EMC2: variants seen among roughly 807,000 people sequenced by gnomAD.
The protein encoded by EMC2 is TPR repeat protein 35.
EMC2 carries 37 observed loss-of-function variants against 51.6 expected under a neutral mutation model. That is an observed-to-expected ratio of 0.72 (90% CI 0.55 to 0.94). The LOEUF (loss-of-function observed/expected upper bound fraction) is 0.94. Ranked by LOEUF, EMC2 falls within the 40% of genes least tolerant of loss-of-function variation. The pLI is 0.00. For missense variants in EMC2, 359 were observed against 350.9 expected (o/e 1.02, Z -0.18); for synonymous variants, 131 against 112.4 (o/e 1.17, Z -1.04).
In EMC2 at chr8:108,486,478, C is replaced by T. The variant is rs947561486; in HGVS notation, c.808-34C>T. The T allele has an allele frequency of 2.7e-6, 4 of 1,482,226 alleles. No homozygotes were observed. The African/African-American group carries it at 6.3e-5, about 23-fold the overall frequency. 91.8% of individuals were successfully genotyped at this position (1,482,226 alleles called of 1,614,324 possible). A position where few individuals can be genotyped will look rare whatever the true frequency, so the allele number is the denominator to read the frequency against. On this transcript the variant is annotated intron_variant, in intron 10 of 10. Coordinates refer to ENST00000220853, the MANE Select transcript of EMC2 (RefSeq NM_014673.5). ...TTTTTAACCTGCCACTGAAATTGAG[C>T]CTAATTGAGCTTTTTTTTTTTTTTT...
At position 108,475,981 on chromosome 8, in the gene EMC2, A is replaced by C. The variant is rs757798325; in HGVS notation, c.591+18A>C. 20 of 1,362,724 alleles carry C rather than the reference A, an allele frequency of 1.5e-5. No individual in the cohort carries two copies. In the Admixed American group the frequency reaches 4.3e-4, roughly 29 times the overall value. 84.4% of individuals were successfully genotyped at this position (1,362,724 alleles called of 1,614,324 possible). Reference sequence around the variant, plus strand: ...ATGCTGAAGTAAGTGTTTTCAGAACAATGGCATATAATTTTATTTTGGTTA... The same window carrying C: ...ATGCTGAAGTAAGTGTTTTCAGAACCATGGCATATAATTTTATTTTGGTTA... On this transcript the variant is annotated intron_variant, in intron 8 of 10. Coordinates refer to ENST00000220853, the MANE Select transcript of EMC2 (RefSeq NM_014673.5).
intron 10 of EMC2, among the ~76,000 whole-genome samples, chr8:108,484,671 C>T (rs1811103355): frequency 6.6e-6 from 1 of 151,804 alleles, no homozygotes; most frequent in African/African-American, 2.4e-5. Context: ...TGTACCCCTC[C>T]CCCAACCCAT....
chr8:108,463,197 A>G (rs977130016), intron 5 of EMC2, among the ~76,000 whole-genome samples: 1 of 152,196 alleles, frequency 6.6e-6, no homozygotes, highest in Non-Finnish European at 1.5e-5. Flanking sequence ...GATTAGGTAA[A>G]TATCATCAGT....
chr8:108,473,499 G>T (rs1313023256), intron 7 of EMC2, among the ~76,000 whole-genome samples: 1 of 151,904 alleles, frequency 6.6e-6, no homozygotes, highest in Non-Finnish European at 1.5e-5. Flanking sequence ...TTTGGTTAAG[G>T]GATACCCAAC....
At chr8:108,471,207 C>CA (rs1810849040) in intron 7 of EMC2, among the ~76,000 whole-genome samples, 1 of 151,792 alleles carries the variant, frequency 6.6e-6, no homozygotes, top group Non-Finnish European at 1.5e-5. Flanking sequence ...TAAACATACT[C>CA]ATGATTTCTT....
intron 4 of EMC2, among the ~76,000 whole-genome samples, chr8:108,454,340 G>A (rs1034546267): frequency 1.3e-5 from 2 of 151,694 alleles, no homozygotes; most frequent in Non-Finnish European, 2.9e-5. Flanking sequence ...ATAGAATTTC[G>A]TATTTTCTCT....
intron 5 of EMC2, among the ~76,000 whole-genome samples, chr8:108,467,813 C>T (rs770726166): frequency 6.6e-6 from 1 of 152,218 alleles, no homozygotes; most frequent in Non-Finnish European, 1.5e-5. Flanking sequence ...TAAAGCAAGT[C>T]TGTGCCAGTC....
At position 108,486,945 on chromosome 8, in the gene EMC2, A is replaced by T. The variant is rs368543658; in HGVS notation, c.*347A>T. On this transcript the variant is annotated 3_prime_UTR_variant, in exon 11 of 11. Coordinates refer to ENST00000220853, the MANE Select transcript of EMC2 (RefSeq NM_014673.5). The stretch of plus-strand genomic sequence containing the variant: ...ATGAAGATTCTAACTTCATTTTGTT[A>T]TACTCACAGTGGATATATTGTTTAA... The T allele has an allele frequency of 5.4e-5, 9 of 166,268 alleles. No homozygotes were observed. The highest frequency in any genetic ancestry group is 1.3e-5 in the Non-Finnish European group (1 of 78,116). 10.3% of individuals were successfully genotyped at this position (166,268 alleles called of 1,614,324 possible). A position where few individuals can be genotyped will look rare whatever the true frequency, so the allele number is the denominator to read the frequency against.
chr8:108,482,455 T>G (rs1473164378), intron 10 of EMC2, among the ~76,000 whole-genome samples: 1 of 152,338 alleles, frequency 6.6e-6, no homozygotes, highest in Admixed American at 6.5e-5. Flanking sequence ...TTGTGTTTTT[T>G]GTGTTCTGTT....
intron 5 of EMC2, among the ~76,000 whole-genome samples, chr8:108,469,360 A>G (rs931422029): frequency 6.6e-5 from 10 of 152,264 alleles, no homozygotes; most frequent in Non-Finnish European, 1.3e-4. Flanking sequence ...TGAAAGACTC[A>G]TAGGTAGATT....
chr8:108,449,090 A>G (rs1299248958), intron 1 of EMC2, among the ~76,000 whole-genome samples: 1 of 152,082 alleles, frequency 6.6e-6, no homozygotes, highest in Non-Finnish European at 1.5e-5. Context: ...AGGATAACTT[A>G]CTTTGTTATA....
Position 108,450,520 on chromosome 8 carries a change from A to T in EMC2, c.219+28A>T, listed in dbSNP as rs761517860. ...AGGTATTTAAATGAAGTATATATTT[A>T]ATTTGCTTCATCAATTGTATACCGT... is the stretch of plus-strand genomic sequence containing the variant. On this transcript the variant is annotated intron_variant, in intron 3 of 10. Coordinates refer to ENST00000220853, the MANE Select transcript of EMC2 (RefSeq NM_014673.5). 6 of 1,293,576 alleles carry T rather than the reference A, an allele frequency of 4.6e-6. No individual in the cohort carries two copies. The South Asian group carries it at 5.9e-5, about 13-fold the overall frequency. The allele number at this position is 1,293,576 out of a possible 1,614,324, so 80.1% of individuals were successfully genotyped here.
chr8:108,473,202 A>G (rs1810887463), intron 7 of EMC2, among the ~76,000 whole-genome samples: 1 of 152,018 alleles, frequency 6.6e-6, no homozygotes, highest in South Asian at 2.1e-4. Context: ...TGTTACATCC[A>G]TTGACCATAT....
chr8:108,481,903 T>C (rs1811050236), intron 10 of EMC2, among the ~76,000 whole-genome samples: 1 of 152,218 alleles, frequency 6.6e-6, no homozygotes, highest in Non-Finnish European at 1.5e-5. Context: ...TGTAGTTCAT[T>C]GTATGAATGT....
Position 108,486,577 on chromosome 8 carries a change from A to G in EMC2, c.873A>G (p.Thr291=). The change falls in exon 11 of 11, where the codon ACA becomes ACG. Residue 291 remains threonine (T), a synonymous_variant. Coordinates refer to ENST00000220853, the MANE Select transcript of EMC2 (RefSeq NM_014673.5). Reference sequence around the variant, plus strand: ...AGGCTGTCGAAGACATGTTGGAAACATTGCAGATCACCCAGTCTTAAGGTT... The same window carrying G: ...AGGCTGTCGAAGACATGTTGGAAACGTTGCAGATCACCCAGTCTTAAGGTT... ...SLKAVEDMLE[T]LQITQS 1.2e-6 allele frequency: 2 copies of G among 1,607,402 alleles called. No individual in the cohort carries two copies. Among genetic ancestry groups the G allele is most frequent in the Non-Finnish European group, 1.7e-6 (2 of 1,177,034 alleles).
chr8:108,466,293 G>A (rs1819462804), intron 5 of EMC2, among the ~76,000 whole-genome samples: 1 of 152,056 alleles, frequency 6.6e-6, no homozygotes, highest in Admixed American at 6.6e-5. Flanking sequence ...TACCCCTACA[G>A]AAATTTTATT....
Position 108,487,285 on chromosome 8 carries a change from A to G in EMC2, c.*687A>G, listed in dbSNP as rs1218996974. Among the ~76,000 whole-genome samples the G allele has an allele frequency of 6.6e-6, 1 of 152,098 alleles. No individual in the cohort carries two copies. Among genetic ancestry groups the G allele is most frequent in the African/African-American group, 2.4e-5 (1 of 41,442 alleles). ...ACACTTTAACTTTTATGCAAGTTAT[A>G]TTTATTGAATCCTTTAATAGTAAAT... On this transcript the variant is annotated 3_prime_UTR_variant, in exon 11 of 11. Coordinates refer to ENST00000220853, the MANE Select transcript of EMC2 (RefSeq NM_014673.5).
At position 108,443,703 on chromosome 8, in the gene EMC2, CT is replaced by C. The variant is rs1563688066; in HGVS notation, c.40+7del. ...TTTACGATGTCACTTGGGAAGGTAA[CT>C]TCGGGTGGGGGCGGGTGCGGAAAGA... On this transcript the variant is annotated splice_donor_region_variant and intron_variant, in intron 1 of 10. Transcript: ENST00000220853. 6.2e-7 allele frequency: 1 copy of C among 1,608,204 alleles called. No homozygotes were observed. The highest frequency in any genetic ancestry group is 8.5e-7 in the Non-Finnish European group (1 of 1,177,044).
chr8:108,478,791 CT>C (rs1456082951), intron 9 of EMC2, among the ~76,000 whole-genome samples: 1 of 151,666 alleles, frequency 6.6e-6, no homozygotes, highest in African/African-American at 2.4e-5. Context: ...TTTAAAATAT[CT>C]TTTCCCTTTC....
Sources: allele counts gnomAD v4.1 joint callset (sites outside exome capture counted in the v4.1 genomes callset), GRCh38; gene constraint gnomAD v4.1.1; transcripts MANE v1.5; gene names NCBI Gene and HGNC (gene_info 2026-07-23, HGNC 2026-07-21).